The following LARGE1 variants were observed in gnomAD, a reference collection of about 807,000 sequenced individuals.
LARGE1 encodes xylosyl- and glucuronyltransferase LARGE1.
In LARGE1, 43 loss-of-function variants were observed where a neutral mutation model predicts 87.6. That is an observed-to-expected ratio of 0.49 (90% CI 0.38 to 0.63). LARGE1 has a LOEUF of 0.63. LARGE1 is among the 30% of genes least tolerant of loss of function. The probability of loss-of-function intolerance (pLI) is 0.00; values close to 1 mark genes in which losing one functional copy is unlikely to be tolerated. For missense variants in LARGE1, 802 were observed against 1,000.2 expected, an observed-to-expected ratio of 0.80 and a Z score of 2.67; for synonymous variants, 434 against 394.6, an observed-to-expected ratio of 1.10 and a Z score of -1.18.
intron 7 of LARGE1, among the ~76,000 whole-genome samples, chr22:33,426,219 C>A (rs1270594687): frequency 6.6e-6 from 1 of 152,192 alleles, no homozygotes; most frequent in African/African-American, 2.4e-5. Flanking sequence ...AAACGCTTCT[C>A]TATTAGACGA....
At chr22:33,429,471 T>A (rs138667116) in intron 7 of LARGE1, among the ~76,000 whole-genome samples, 1 of 152,274 alleles carries the variant, frequency 6.6e-6, no homozygotes, top group African/African-American at 2.4e-5. Flanking sequence ...GATGCTACAT[T>A]CTATAGCAAA....
intron 6 of LARGE1, among the ~76,000 whole-genome samples, chr22:33,443,775 G>C (rs8140275): frequency 6.6e-6 from 1 of 152,126 alleles, no homozygotes; most frequent in South Asian, 2.1e-4. Flanking sequence ...TCTTCCTTCC[G>C]TGATCTTTGG....
At chr22:33,327,913 TGTTATA>T (rs2146443884) in intron 10 of LARGE1, among the ~76,000 whole-genome samples, 1 of 152,306 alleles carries the variant, frequency 6.6e-6, no homozygotes, top group South Asian at 2.1e-4. Flanking sequence ...GAAAAGGACT[TGTTATA>T]GTTCATTTGT....
chr22:33,432,595 T>TCATGCATG (rs1555916106), intron 6 of LARGE1, among the ~76,000 whole-genome samples: 178 of 147,232 alleles, frequency 1.2e-3, no homozygotes, highest in Middle Eastern at 7.0e-3. Flanking sequence ...ATTCATTCAT[T>TCATGCATG]CATGCATGCA....
At chr22:33,736,959 A>C (rs1371464327) in intron 2 of LARGE1, among the ~76,000 whole-genome samples, 1 of 152,154 alleles carries the variant, frequency 6.6e-6, no homozygotes, top group East Asian at 1.9e-4. Flanking sequence ...TCTCTGCCTC[A>C]ATGTCAACAA....
chr22:33,201,447 GGGA>G (rs138074672), intron 11 of LARGE1, among the ~76,000 whole-genome samples: 34,052 of 126,290 alleles, frequency 0.27, 4,119 homozygotes, highest in Middle Eastern at 0.39. Flanking sequence ...AAGGAAGGAA[GGGA>G]GGAGAAAAGA....
chr22:33,399,812 T>G (rs1212214726), intron 7 of LARGE1, among the ~76,000 whole-genome samples: 1 of 152,122 alleles, frequency 6.6e-6, no homozygotes, highest in Non-Finnish European at 1.5e-5. Context: ...CCTCCCAAAG[T>G]GCTGGGATTA....
At chr22:33,430,226 T>C (rs1386920779) in intron 7 of LARGE1, among the ~76,000 whole-genome samples, 1 of 152,198 alleles carries the variant, frequency 6.6e-6, no homozygotes, top group Non-Finnish European at 1.5e-5. Flanking sequence ...TCTTCTGGTA[T>C]AGGCATGGCA....
At chr22:33,713,818 T>C (rs2082817869) in intron 2 of LARGE1, among the ~76,000 whole-genome samples, 2 of 151,998 alleles carry the variant, frequency 1.3e-5, no homozygotes, top group South Asian at 4.2e-4. Context: ...TAGCCAGCTA[T>C]GGTGGCATGT....
intron 6 of LARGE1, among the ~76,000 whole-genome samples, chr22:33,469,510 C>T (rs1199721101): frequency 6.6e-6 from 1 of 152,140 alleles, no homozygotes; most frequent in East Asian, 1.9e-4. Flanking sequence ...GAAAACTAGG[C>T]CCACTTGGGT....
chr22:33,430,614 ATATCTAATACT>A (rs1355610609), intron 7 of LARGE1, among the ~76,000 whole-genome samples: 1 of 152,208 alleles, frequency 6.6e-6, no homozygotes, highest in African/African-American at 2.4e-5. Context: ...AGAGCAAGGC[ATATCTAATACT>A]CAGGCAAATG....
intron 2 of LARGE1, among the ~76,000 whole-genome samples, chr22:33,674,762 G>A (rs747325702): frequency 7.9e-5 from 12 of 152,020 alleles, no homozygotes; most frequent in Non-Finnish European, 1.6e-4. Flanking sequence ...TCCCCAACAC[G>A]CCCAATTTGT....
chr22:33,838,806 C>T (rs1032495302), intron 1 of LARGE1, among the ~76,000 whole-genome samples: 2 of 152,090 alleles, frequency 1.3e-5, no homozygotes, highest in Admixed American at 6.6e-5. Context: ...TCCTGGGTCT[C>T]CCTGATTGTG....
the LARGE1 span, among the ~76,000 whole-genome samples, chr22:33,120,604 T>G: frequency 6.6e-6 from 1 of 151,778 alleles, no homozygotes; most frequent in Non-Finnish European, 1.5e-5. Context: ...CTCCACCTCC[T>G]GGGTTCAAGT....
chr22:33,283,081 T>G, intron 13 of LARGE1, 121 bp downstream of exon 13: 1 of 1,238,150 alleles, frequency 8.1e-7, no homozygotes, highest in Non-Finnish European at 1.2e-6. Flanking sequence ...GGTGCTTTCC[T>G]GGCCTCACAA....
chr22:33,202,850 T>A (rs1314840521), intron 11 of LARGE1, among the ~76,000 whole-genome samples: 2 of 152,012 alleles, frequency 1.3e-5, no homozygotes, highest in East Asian at 3.9e-4. Context: ...AAGGACACAG[T>A]GGAAAAGACA....
At chr22:33,192,040 A>G (rs563590371) in intron 11 of LARGE1, among the ~76,000 whole-genome samples, 65 of 152,276 alleles carry the variant, frequency 4.3e-4, no homozygotes, top group Non-Finnish European at 6.0e-4. Context: ...TTATTTTCCA[A>G]CCCTGGATTA....
At chr22:33,897,136 T>A (rs1008486042) in intron 1 of LARGE1, among the ~76,000 whole-genome samples, 3 of 152,044 alleles carry the variant, frequency 2.0e-5, no homozygotes, top group Non-Finnish European at 4.4e-5. Flanking sequence ...CTCCCTTCCT[T>A]CAAAGCCCAG....
chr22:33,557,723 G>A (rs2077734333), intron 6 of LARGE1, among the ~76,000 whole-genome samples: 1 of 152,126 alleles, frequency 6.6e-6, no homozygotes, highest in African/African-American at 2.4e-5. Context: ...CTGCCACCAT[G>A]CCTGGCTAAT....
Sources: gnomAD v4.1 joint callset for allele counts (sites outside exome capture counted in the v4.1 genomes callset) on GRCh38, gnomAD v4.1.1 for gene constraint, MANE v1.5 for transcripts, NCBI Gene and HGNC (gene_info 2026-07-23, HGNC 2026-07-21) for gene names.